B4GALNT3: variants seen among roughly 807,000 people sequenced by gnomAD.
B4GALNT3 encodes beta-1,4-N-acetylgalactosaminyltransferase 3.
In B4GALNT3, 86 loss-of-function variants were observed where a neutral mutation model predicts 120.2. The observed-to-expected ratio is 0.72, with a 90% CI of 0.60 to 0.86. B4GALNT3 has a LOEUF of 0.86. B4GALNT3 is among the 40% of genes least tolerant of loss of function. B4GALNT3 has a pLI of 0.00. For synonymous variants in B4GALNT3, 518 were observed against 510.4 expected, an observed-to-expected ratio of 1.01 and a Z score of -0.20; for missense variants, 1,167 against 1,298.9, an observed-to-expected ratio of 0.90 and a Z score of 1.56.
Position 479,335 on chromosome 12 carries a change from G to A in B4GALNT3, c.169+18790G>A, listed in dbSNP as rs118088785. Among the ~76,000 whole-genome samples the A allele has an allele frequency of 8.5e-5, 13 of 152,252 alleles. No homozygotes were observed. The East Asian group carries it at 2.3e-3, about 27-fold the overall frequency. ...AGCTGGGTTACAAGCACGTGCCACC[G>A]TGTTCAGTGATGGCTGTGGCTTTGA... On this transcript the variant is annotated intron_variant, in intron 1 of 19. Coordinates refer to ENST00000266383, the MANE Select transcript of B4GALNT3 (RefSeq NM_173593.4).
chr12:555,255 C>A (rs1189670921), intron 14 of B4GALNT3: 9 of 441,384 alleles, frequency 2.0e-5, no homozygotes, highest in Non-Finnish European at 4.1e-5. Context: ...CTCCTACCCC[C>A]AGTAGTGTCT....
At chr12:515,405 G>T (rs1015782498) in intron 1 of B4GALNT3, among the ~76,000 whole-genome samples, 6 of 151,906 alleles carry the variant, frequency 3.9e-5, no homozygotes, top group African/African-American at 1.5e-4. Flanking sequence ...CACCATGTTA[G>T]CCAGGGTGGT....
intron 6 of B4GALNT3, among the ~76,000 whole-genome samples, chr12:546,212 AG>A (rs1211663184): frequency 1.0e-4 from 3 of 30,110 alleles, no homozygotes; most frequent in Non-Finnish European, 1.9e-4. Context: ...GAGAGGAGGG[AG>A]GGGGGTGTGG....
At chr12:545,701 GTGAGGAA>G (rs1434874158) in intron 6 of B4GALNT3, among the ~76,000 whole-genome samples, 4 of 141,518 alleles carry the variant, frequency 2.8e-5, no homozygotes, top group Non-Finnish European at 4.6e-5. Context: ...GTGGGGAGGA[GTGAGGAA>G]TGGGGAGGAG....
chr12:517,597 T>G (rs996199013), intron 1 of B4GALNT3, among the ~76,000 whole-genome samples: 1 of 152,152 alleles, frequency 6.6e-6, no homozygotes, highest in Non-Finnish European at 1.5e-5. Flanking sequence ...GACCCAGCAA[T>G]TCCACCTTCC....
rs1020409582 is a variant in B4GALNT3, at chr12:548,941, G to A, written c.853+644G>A. ...AACAACACAAAAAAACCCTCTGAGCGAGTCCAATCCCCTATTTTCCAGATG... is the reference window on the plus strand; with the variant it reads ...AACAACACAAAAAAACCCTCTGAGCAAGTCCAATCCCCTATTTTCCAGATG... On this transcript the variant is annotated intron_variant, in intron 9 of 19. Transcript: ENST00000266383. This position sits in a 1 kb window ranked among gnomAD's most constrained non-coding sequence, Gnocchi z 4.9. 3.3e-5 allele frequency among the ~76,000 whole-genome samples: 5 copies of A among 152,094 alleles called. No individual in the cohort carries two copies. Among genetic ancestry groups the A allele is most frequent in the African/African-American group, 9.7e-5 (4 of 41,400 alleles).
intron 1 of B4GALNT3, among the ~76,000 whole-genome samples, chr12:493,426 A>G (rs559996578): frequency 3.3e-5 from 5 of 152,350 alleles, no homozygotes; most frequent in South Asian, 4.1e-4. Context: ...TCAAATGCTG[A>G]CAAGGACATG....
At chr12:511,685 CACCTTCT>C (rs1332196930) in intron 1 of B4GALNT3, among the ~76,000 whole-genome samples, 3 of 141,468 alleles carry the variant, frequency 2.1e-5, no homozygotes, top group African/African-American at 5.3e-5. Flanking sequence ...TTCCGCCTTC[CACCTTCT>C]GTCTTCCACC....
chr12:526,866 T>C (rs1225792434), intron 1 of B4GALNT3, among the ~76,000 whole-genome samples: 1 of 152,192 alleles, frequency 6.6e-6, no homozygotes, highest in Admixed American at 6.5e-5. Flanking sequence ...AAAGGGCGTC[T>C]GCCCCCTCTT....
chr12:512,812 A>ACCTTCCACCTTCCGCCTTCTG (rs1565598996), intron 1 of B4GALNT3, among the ~76,000 whole-genome samples: 1 of 81,894 alleles, frequency 1.2e-5, no homozygotes, highest in African/African-American at 5.0e-5. Context: ...ACCTTCTTCC[A>ACCTTCCACCTTCCGCCTTCTG]CCTTCCACCT....
intron 5 of B4GALNT3, 95 bp from the exon 6 acceptor site, chr12:545,274 G>A: frequency 6.6e-7 from 1 of 1,509,558 alleles, no homozygotes; most frequent in Non-Finnish European, 8.9e-7. Flanking sequence ...ATCAAGCACT[G>A]AAGGGAATTT....
rs374266359 is a variant in B4GALNT3, at chr12:540,251, CT to C, written c.351+3960del. Among the ~76,000 whole-genome samples the C allele has an allele frequency of 2.7e-3, 406 of 152,336 alleles. 3 individuals carry two copies. Among genetic ancestry groups the C allele is most frequent in the African/African-American group, 9.2e-3 (384 of 41,580 alleles). On this transcript the variant is annotated intron_variant, in intron 3 of 19. Transcript: ENST00000266383. Reference sequence around the variant, plus strand: ...CAGAGCCCCTGGCGCAGGTGACACCCTTTTGTTTACATGTCTGCCTCCTTTG... The same window carrying C: ...CAGAGCCCCTGGCGCAGGTGACACCCTTTGTTTACATGTCTGCCTCCTTTG...
intron 1 of B4GALNT3, among the ~76,000 whole-genome samples, chr12:501,669 G>A (rs761132698): frequency 4.6e-5 from 7 of 152,292 alleles, no homozygotes; most frequent in South Asian, 2.1e-4. Context: ...CCCAAAAGTC[G>A]GTGGTGCCCA....
chr12:558,544 A>G lies in B4GALNT3; in HGVS notation c.2644A>G (p.Ile882Val). The stretch of plus-strand genomic sequence containing the variant: ...CATCATCTTCCTCTGTGACCTCCAC[A>G]TCCACTTCCCAGCTGGAGTCATCGA... The part of the protein sequence containing the change: ...HSIIFLCDLH[I>V]HFPAGVIDAI... The change falls in exon 18 of 20, where the codon ATC becomes GTC. Residue 882 changes from isoleucine to valine, a missense_variant. Around this residue, in one of 3 missense-constraint regions of B4GALNT3, gnomAD observed 983 missense variants for 1,102.5 expected, o/e 0.89. Coordinates refer to ENST00000266383, the MANE Select transcript of B4GALNT3 (RefSeq NM_173593.4). 1 of 1,614,114 alleles carries G rather than the reference A, an allele frequency of 6.2e-7. No individual in the cohort carries two copies.
rs556206695 is a variant in B4GALNT3, at chr12:552,748, G to C, written c.1270+220G>C. On this transcript the variant is annotated intron_variant, in intron 13 of 19. Transcript: ENST00000266383. ...GACACTATTTTTAGCAGCATGCTGG[G>C]GTCAGCTGGAGGAGAGTGAGAGCCC... The C allele has an allele frequency of 1.4e-5, 8 of 581,150 alleles. No homozygotes were observed. The East Asian group carries it at 2.3e-4, about 17-fold the overall frequency. 36.0% of individuals were successfully genotyped at this position (581,150 alleles called of 1,614,324 possible). A position where few individuals can be genotyped will look rare whatever the true frequency, so the allele number is the denominator to read the frequency against.
Position 544,438 on chromosome 12 carries a change from A to G in B4GALNT3, c.447+4A>G. On this transcript the variant is annotated splice_donor_region_variant and intron_variant, in intron 4 of 19. Coordinates refer to ENST00000266383, the MANE Select transcript of B4GALNT3 (RefSeq NM_173593.4). Reference sequence around the variant, plus strand: ...GCATTTCCCACTGTACCCCCATGTGAGTGCCTGAGGGCTGCCTTGCCCACC... The same window carrying G: ...GCATTTCCCACTGTACCCCCATGTGGGTGCCTGAGGGCTGCCTTGCCCACC... The G allele has an allele frequency of 1.2e-6, 2 of 1,613,402 alleles. No homozygotes were observed. Among genetic ancestry groups the G allele is most frequent in the Non-Finnish European group, 1.7e-6 (2 of 1,179,642 alleles).
intron 1 of B4GALNT3, among the ~76,000 whole-genome samples, chr12:488,606 G>A (rs1444025817): frequency 2.0e-5 from 3 of 152,060 alleles, no homozygotes; most frequent in Admixed American, 6.5e-5. Flanking sequence ...GAAAGTGGAT[G>A]TCCCAGCCTG....
chr12:505,038 A>G (rs11063315), intron 1 of B4GALNT3, among the ~76,000 whole-genome samples: 56,548 of 151,696 alleles, frequency 0.37, 11,607 homozygotes, highest in Non-Finnish European at 0.46. Flanking sequence ...TTACAGGTGC[A>G]CACCACCACG....
chr12:502,189 G>T (rs148535352), intron 1 of B4GALNT3, among the ~76,000 whole-genome samples: 1 of 152,002 alleles, frequency 6.6e-6, no homozygotes, highest in African/African-American at 2.4e-5. Flanking sequence ...AGATTAACTT[G>T]TTTATGAGGG....
Sources: allele counts gnomAD v4.1 joint callset (sites outside exome capture counted in the v4.1 genomes callset), GRCh38; gene constraint gnomAD v4.1.1; regional missense constraint gnomAD v4.1.1; non-coding constraint Gnocchi (gnomAD v3.1); transcripts MANE v1.5; gene names NCBI Gene and HGNC (gene_info 2026-07-23, HGNC 2026-07-21).